The following PDE1A variants were observed in gnomAD, a reference collection of about 807,000 sequenced individuals.
The protein encoded by PDE1A is phosphodiesterase 1A, also known as dual specificity calcium/calmodulin-dependent 3',5'-cyclic nucleotide phosphodiesterase 1A.
PDE1A carries 35 observed loss-of-function variants against 61.7 expected under a neutral mutation model. That is an observed-to-expected ratio of 0.57 (90% CI 0.43 to 0.75). The LOEUF (loss-of-function observed/expected upper bound fraction) is 0.75, where lower values mean the gene tolerates loss of function less well. Ranked by LOEUF, PDE1A falls within the 30% of genes least tolerant of loss-of-function variation. PDE1A has a pLI of 0.00. For synonymous variants in PDE1A, 232 were observed against 213.2 expected (o/e 1.09, Z -0.77); for missense variants, 597 against 630.6 (o/e 0.95, Z 0.57).
chr2:182,342,535 T>C (rs1487590670), intron 1 of PDE1A, among the ~76,000 whole-genome samples: 1 of 152,106 alleles, frequency 6.6e-6, no homozygotes, highest in Admixed American at 6.6e-5. Flanking sequence ...TACAAAAAAT[T>C]AGACTGGCGT....
chr2:182,484,346 A>G (rs148185983), intron 2 of PDE1A, among the ~76,000 whole-genome samples: 1,904 of 151,960 alleles, frequency 0.013, 25 homozygotes, highest in South Asian at 0.043. Context: ...AGTAACAAAC[A>G]TTATATAAAA....
the PDE1A span, among the ~76,000 whole-genome samples, chr2:182,648,453 T>C: frequency 4.2e-5 from 6 of 143,802 alleles, no homozygotes; most frequent in African/African-American, 1.6e-4. Flanking sequence ...GGAGGATCCC[T>C]TGTGGCCAGG....
chr2:182,487,528 A>C (rs1015347675), intron 2 of PDE1A, among the ~76,000 whole-genome samples: 2 of 152,230 alleles, frequency 1.3e-5, no homozygotes, highest in African/African-American at 4.8e-5. Flanking sequence ...AATAATCAAA[A>C]TATGACATCT....
At chr2:182,380,302 C>T (rs994978077) in intron 1 of PDE1A, among the ~76,000 whole-genome samples, 3 of 151,754 alleles carry the variant, frequency 2.0e-5, no homozygotes, top group Non-Finnish European at 4.4e-5. Flanking sequence ...TTAGTAGAGA[C>T]GGGGTTTCAC....
the PDE1A span, among the ~76,000 whole-genome samples, chr2:182,713,586 G>A: frequency 5.3e-5 from 8 of 152,090 alleles, no homozygotes; most frequent in Non-Finnish European, 7.4e-5. Flanking sequence ...AGCCAAGATC[G>A]CACCATTGCA....
Position 182,466,204 on chromosome 2 carries a change from C to T in PDE1A, c.101+56072G>A, listed in dbSNP as rs143170816. Reference sequence around the variant, plus strand: ...GTCCTCTTTACTCTTGTACTTACCACAAGTTTCATCTTCTATCCTACTATT... The same window carrying T: ...GTCCTCTTTACTCTTGTACTTACCATAAGTTTCATCTTCTATCCTACTATT... On this transcript the variant is annotated intron_variant, in intron 2 of 14. Coordinates refer to the PDE1A transcript ENST00000410103. Among the ~76,000 whole-genome samples, 208 of 152,130 alleles carry T rather than the reference C, an allele frequency of 1.4e-3. 1 individual carries two copies. Among genetic ancestry groups the T allele is most frequent in the African/African-American group, 4.5e-3 (186 of 41,546 alleles).
At chr2:182,191,701 CTT>C (rs11314814) in intron 10 of PDE1A, among the ~76,000 whole-genome samples, 7,242 of 139,378 alleles carry the variant, frequency 0.052, 329 homozygotes, top group African/African-American at 0.14. Flanking sequence ...CTATATTTAA[CTT>C]TTTTTTTTTT....
intron 2 of PDE1A, among the ~76,000 whole-genome samples, chr2:182,514,064 G>A (rs550622001): frequency 1.6e-4 from 25 of 152,026 alleles, no homozygotes; most frequent in African/African-American, 4.8e-4. Context: ...AATCAGGGAC[G>A]CAATCCCATT....
At chr2:182,242,879 CCTCCCTCTCTCTCTCT>C (rs1176724548) in intron 2 of PDE1A, among the ~76,000 whole-genome samples, 1 of 74,608 alleles carries the variant, frequency 1.3e-5, no homozygotes, top group African/African-American at 7.7e-5. Flanking sequence ...TCTCTCCTCT[CCTCCCTCTCTCTCTCT>C]CTCCCTCTCT....
chr2:182,277,520 C>G (rs1353246385), intron 1 of PDE1A, among the ~76,000 whole-genome samples: 1 of 152,086 alleles, frequency 6.6e-6, no homozygotes, highest in Non-Finnish European at 1.5e-5. Context: ...ACAGAATTCT[C>G]CACCTAGTTG....
rs868050992 is a variant in PDE1A, at chr2:182,215,686, G to A, written c.776+8178C>T. ...TCTAGAAGAAATGGATAAATTCCTC[G>A]ACACATACACTCTCCCAAGACTAAA... On this transcript the variant is annotated intron_variant, in intron 7 of 13. Transcript: ENST00000351439. Among the ~76,000 whole-genome samples, 129 of 117,884 alleles carry A rather than the reference G, an allele frequency of 1.1e-3. 1 individual carries two copies. Among genetic ancestry groups the A allele is most frequent in the South Asian group, 9.7e-3 (31 of 3,206 alleles). The allele number at this position is 117,884 out of a possible 152,430, so 77.3% of individuals were successfully genotyped here.
intron 1 of PDE1A, among the ~76,000 whole-genome samples, chr2:182,397,189 G>A (rs993485424): frequency 2.6e-5 from 4 of 152,106 alleles, no homozygotes; most frequent in African/African-American, 9.7e-5. Context: ...TTGAGAGGCA[G>A]CAAACTCAAA....
chr2:182,560,909 T>C, the PDE1A span, among the ~76,000 whole-genome samples: 7 of 152,108 alleles, frequency 4.6e-5, no homozygotes, highest in African/African-American at 1.4e-4. Context: ...GATGGGGTTG[T>C]TTTTTCTTGT....
At position 182,490,664 on chromosome 2, in the gene PDE1A, C is replaced by A. The variant is rs561761981; in HGVS notation, c.101+31612G>T. Among the ~76,000 whole-genome samples the A allele has an allele frequency of 1.6e-3, 247 of 152,302 alleles. 1 individual carries two copies. The highest frequency in any genetic ancestry group is 5.8e-3 in the African/African-American group (240 of 41,574). On this transcript the variant is annotated intron_variant, in intron 2 of 14. Transcript: ENST00000410103. ...CTGGGATTACAGGCGTGAGCCACCA[C>A]GCCCAGCCAAGATTTTTATTTTTTT...
At chr2:182,556,058 T>C in the PDE1A span, among the ~76,000 whole-genome samples, 1 of 148,836 alleles carries the variant, frequency 6.7e-6, no homozygotes, top group Non-Finnish European at 1.5e-5. Context: ...TAGAACTGTG[T>C]GCATTGGTGA....
intron 2 of PDE1A, among the ~76,000 whole-genome samples, chr2:182,494,589 A>C (rs1427710881): frequency 6.7e-6 from 1 of 149,820 alleles, no homozygotes; most frequent in Non-Finnish European, 1.5e-5. Context: ...CCCTGGATGA[A>C]TCCACCTCCC....
intron 3 of PDE1A, among the ~76,000 whole-genome samples, chr2:182,237,547 G>A (rs1250516715): frequency 6.6e-6 from 1 of 152,184 alleles, no homozygotes; most frequent in Non-Finnish European, 1.5e-5. Flanking sequence ...CAAGGCAACA[G>A]ACTTATTTAG....
At position 182,256,000 on chromosome 2, in the gene PDE1A, T is replaced by G. The variant is rs1691755125; in HGVS notation, c.167+8301A>C. On this transcript the variant is annotated intron_variant, in intron 2 of 13. Transcript: ENST00000351439. ...TCAACATTTTCAACCAATGTTTGGC[T>G]ATTTCTCTCTTCCTAGATAACTTCC... Among the ~76,000 whole-genome samples, 2 of 149,298 alleles carry G rather than the reference T, an allele frequency of 1.3e-5. 1 individual carries two copies. The highest frequency in any genetic ancestry group is 4.9e-5 in the African/African-American group (2 of 40,780).
the PDE1A span, among the ~76,000 whole-genome samples, chr2:182,691,584 A>G: frequency 6.6e-6 from 1 of 152,234 alleles, no homozygotes; most frequent in Non-Finnish European, 1.5e-5. Flanking sequence ...ACCCTAGAAG[A>G]AAACCTAGGC....
Sources: gnomAD v4.1 joint callset for allele counts (sites outside exome capture counted in the v4.1 genomes callset) on GRCh38, gnomAD v4.1.1 for gene constraint, MANE v1.5 for transcripts, NCBI Gene and HGNC (gene_info 2026-07-23, HGNC 2026-07-21) for gene names.